The following MEGF9 variants were observed in gnomAD, a reference collection of about 807,000 sequenced individuals.
The protein encoded by MEGF9 is multiple epidermal growth factor-like domains protein 9.
In MEGF9, 6 loss-of-function variants were observed where a neutral mutation model predicts 46.8. The ratio of observed to expected loss-of-function variants is 0.13; its 90% CI spans 0.07 to 0.25. The LOEUF is 0.25. Ranked by LOEUF, MEGF9 falls within the 10% of genes least tolerant of loss-of-function variation. MEGF9 has a pLI of 1.00. For missense variants in MEGF9, 683 were observed against 792.4 expected (o/e 0.86, Z 1.66); for synonymous variants, 302 against 330.7 (o/e 0.91, Z 0.94).
chr9:120,635,087 T>C (rs983501503), intron 2 of MEGF9, among the ~76,000 whole-genome samples: 1 of 152,208 alleles, frequency 6.6e-6, no homozygotes, highest in Admixed American at 6.5e-5. Flanking sequence ...TTTCTGGGTA[T>C]AGTATTCTTG....
Position 120,714,178 on chromosome 9 carries a change from C to A in MEGF9, c.181G>T (p.Gly61Cys). ...VDASPGPGLR[G>C]EPSHPFPRAT... ...CTAGGGAAGGGGTGGCTGGGCTCGC[C>A]CCGCAACCCGGGGCCCGGCGACGCG... The change falls in exon 1 of 6, where the codon GGC becomes TGC. Residue 61 changes from glycine to cysteine, a missense_variant. Transcript: ENST00000373930. The A allele has an allele frequency of 4.9e-6, 6 of 1,235,460 alleles. No homozygotes were observed. The highest frequency in any genetic ancestry group is 3.2e-5 in the East Asian group (1 of 31,716). 76.5% of individuals were successfully genotyped at this position (1,235,460 alleles called of 1,614,324 possible).
At chr9:120,651,532 T>C (rs1369468780) in intron 2 of MEGF9, among the ~76,000 whole-genome samples, 3 of 152,192 alleles carry the variant, frequency 2.0e-5, no homozygotes, top group South Asian at 2.1e-4. Flanking sequence ...CATTATATGG[T>C]TGCTATGAAA....
intron 1 of MEGF9, among the ~76,000 whole-genome samples, chr9:120,692,299 A>G (rs116800425): frequency 0.013 from 2,053 of 152,300 alleles, 44 homozygotes; most frequent in African/African-American, 0.044. Flanking sequence ...TTAATTATCT[A>G]AGTCTATGTG....
intron 1 of MEGF9, among the ~76,000 whole-genome samples, chr9:120,668,828 AAACAAATCATAC>A (rs1166156350): frequency 6.6e-6 from 1 of 152,244 alleles, no homozygotes; most frequent in African/African-American, 2.4e-5. Context: ...CAGATAGATG[AAACAAATCATAC>A]AACTAATCAG....
chr9:120,665,957 G>A (rs1031057716), intron 1 of MEGF9, among the ~76,000 whole-genome samples: 12 of 152,042 alleles, frequency 7.9e-5, no homozygotes, highest in African/African-American at 2.2e-4. Context: ...TGACTTATGT[G>A]TCTGTTTTTA....
At position 120,622,662 on chromosome 9, in the gene MEGF9, C is replaced by A; in HGVS notation, c.897G>T (p.Leu299Phe). ...GYYGFSKNGC[L>F]PCQCNNRSAS... ...CAGACCGATTATTGCATTGGCAGGGCAAGCAGCCATTCTTACTAAAGCCAT... is the reference window on the plus strand; with the variant it reads ...CAGACCGATTATTGCATTGGCAGGGAAAGCAGCCATTCTTACTAAAGCCAT... Residue 299 changes from leucine (L) to phenylalanine (F), a missense_variant, in exon 3 of 6, where the codon TTG becomes TTT. Leu to Phe is a conservative substitution (Grantham distance 22). Coordinates refer to ENST00000373930, the MANE Select transcript of MEGF9 (RefSeq NM_001080497.3). 6.2e-7 allele frequency: 1 copy of A among 1,605,246 alleles called. No homozygotes were observed. The highest frequency in any genetic ancestry group is 2.3e-5 in the East Asian group (1 of 44,028).
intron 2 of MEGF9, among the ~76,000 whole-genome samples, chr9:120,645,605 A>G (rs544212440): frequency 1.8e-4 from 28 of 152,302 alleles, no homozygotes; most frequent in African/African-American, 6.3e-4. Flanking sequence ...ACCTGTTGAT[A>G]ATGTGTTGCA....
At chr9:120,667,351 C>A (rs1192096930) in intron 1 of MEGF9, among the ~76,000 whole-genome samples, 1 of 152,182 alleles carries the variant, frequency 6.6e-6, no homozygotes, top group Non-Finnish European at 1.5e-5. Flanking sequence ...ACAATCTTTT[C>A]TTTTCCCTTT....
chr9:120,645,998 T>C (rs537881085), intron 2 of MEGF9, among the ~76,000 whole-genome samples: 35 of 152,204 alleles, frequency 2.3e-4, no homozygotes, highest in Admixed American at 2.2e-3. Context: ...AGGGAGAGGG[T>C]GTGGGCCTGA....
rs559306813 is a variant in MEGF9 at position 120,703,993 on chromosome 9, CAA to C, written c.601+9763_601+9764del. ...ATCTCAAAAAAAAAAAAGATAATGC[CAA>C]AGAGATTCTTACACTAGGAAAGAAG... On this transcript the variant is annotated intron_variant, in intron 1 of 5. Coordinates refer to ENST00000373930, the MANE Select transcript of MEGF9 (RefSeq NM_001080497.3). Among the ~76,000 whole-genome samples, 259 of 150,464 alleles carry C rather than the reference CAA, an allele frequency of 1.7e-3. 3 individuals are homozygous for C. The Middle Eastern group carries it at 0.018, about 10-fold the overall frequency.
intron 1 of MEGF9, among the ~76,000 whole-genome samples, chr9:120,694,288 A>T (rs2043864658): frequency 6.6e-6 from 1 of 152,266 alleles, no homozygotes; most frequent in African/African-American, 2.4e-5. Context: ...TGGGCAAACA[A>T]CTTAACCTCA....
At chr9:120,651,503 A>G (rs994384295) in intron 2 of MEGF9, among the ~76,000 whole-genome samples, 2 of 152,242 alleles carry the variant, frequency 1.3e-5, no homozygotes, top group African/African-American at 4.8e-5. Context: ...ACAAATGAGA[A>G]TAATAATAAT....
At chr9:120,708,026 CTAAG>C (rs2043936493) in intron 1 of MEGF9, among the ~76,000 whole-genome samples, 1 of 148,978 alleles carries the variant, frequency 6.7e-6, no homozygotes, top group South Asian at 2.1e-4. Context: ...GCCTGGGCAA[CTAAG>C]TGAGACTCTG....
intron 2 of MEGF9, among the ~76,000 whole-genome samples, chr9:120,634,474 T>TTTTTTTTTTTTTTTTA (rs1428323579): frequency 1.6e-5 from 2 of 123,120 alleles, no homozygotes; most frequent in Non-Finnish European, 3.2e-5. Flanking sequence ...TTTTTTTTTT[T>TTTTTTTTTTTTTTTTA]GAGACGGAGT....
chr9:120,691,366 T>C (rs758569578), intron 1 of MEGF9: 1 of 418,268 alleles, frequency 2.4e-6, no homozygotes, highest in Non-Finnish European at 4.8e-6. Flanking sequence ...TTTTGGTATA[T>C]ATTCAAAATT....
chr9:120,633,846 T>G (rs2043560906), intron 2 of MEGF9, among the ~76,000 whole-genome samples: 1 of 152,204 alleles, frequency 6.6e-6, no homozygotes, highest in Non-Finnish European at 1.5e-5. Context: ...ATTGATCCAG[T>G]GGTCATTCAG....
intron 4 of MEGF9, among the ~76,000 whole-genome samples, chr9:120,609,940 C>G (rs1157531576): frequency 6.6e-6 from 1 of 151,994 alleles, no homozygotes. Context: ...ATTTATATAC[C>G]GTAACATTCA....
At chr9:120,667,880 T>C (rs769444185) in intron 1 of MEGF9, among the ~76,000 whole-genome samples, 29 of 152,042 alleles carry the variant, frequency 1.9e-4, no homozygotes, top group Non-Finnish European at 3.7e-4. Context: ...CAAAAATTAG[T>C]CAGGCATGGT....
chr9:120,702,723 G>A (rs775883577), intron 1 of MEGF9, among the ~76,000 whole-genome samples: 41 of 152,290 alleles, frequency 2.7e-4, no homozygotes, highest in African/African-American at 9.6e-4. Context: ...GCTGATGTAA[G>A]TGGGGGTGGT....
Sources: gnomAD v4.1 joint callset for allele counts (sites outside exome capture counted in the v4.1 genomes callset) on GRCh38, gnomAD v4.1.1 for gene constraint, MANE v1.5 for transcripts, NCBI Gene and HGNC (gene_info 2026-07-23, HGNC 2026-07-21) for gene names.